Variants in ZNF614 observed in about 807,000 individuals in gnomAD.
ZNF614 encodes the protein zinc finger protein 614.
Under a neutral mutation model 12.8 loss-of-function variants are expected in ZNF614, and 11 were observed. The observed-to-expected ratio is 0.86, with a 90% CI of 0.54 to 1.43. ZNF614 has a LOEUF of 1.43. ZNF614 is among the 40% of genes most tolerant of loss of function. The probability of loss-of-function intolerance (pLI) is 0.00; values close to 1 mark genes in which losing one functional copy is unlikely to be tolerated. For missense variants in ZNF614, 664 were observed against 708.8 expected, an observed-to-expected ratio of 0.94 and a Z score of 0.72; for synonymous variants, 237 against 237.5, an observed-to-expected ratio of 1.00 and a Z score of 0.02.
At chr19:52,022,324 C>T (rs1357800609) in intron 2 of ZNF614, among the ~76,000 whole-genome samples, 3 of 150,874 alleles carry the variant, frequency 2.0e-5, no homozygotes, top group Non-Finnish European at 3.0e-5. Context: ...AAGTGAGAAG[C>T]GCCTCTGCCT....
intron 4 of ZNF614, chr19:52,017,771 G>C (rs924464420): frequency 5.0e-6 from 2 of 403,920 alleles, no homozygotes; most frequent in Non-Finnish European, 8.7e-6. Context: ...TCAACTCTAC[G>C]ATCCCAGTAT....
At chr19:52,026,973 C>T (rs750532671) in intron 1 of ZNF614, among the ~76,000 whole-genome samples, 3 of 152,232 alleles carry the variant, frequency 2.0e-5, no homozygotes, top group Admixed American at 6.5e-5. Context: ...TCCCCCTCTC[C>T]GAGGTGGTAG....
chr19:52,021,366 A>T (rs1300121723), intron 2 of ZNF614, among the ~76,000 whole-genome samples: 2 of 146,950 alleles, frequency 1.4e-5, no homozygotes, highest in African/African-American at 5.2e-5. Flanking sequence ...AAAGTGTGAG[A>T]TTTTTTTTTT....
At chr19:52,023,693 T>C (rs536035509) in intron 2 of ZNF614, among the ~76,000 whole-genome samples, 19 of 152,318 alleles carry the variant, frequency 1.2e-4, no homozygotes, top group Middle Eastern at 3.4e-3. Flanking sequence ...CTGGGAACAA[T>C]GACCAAATAT....
chr19:52,027,045 T>C (rs573191487), intron 1 of ZNF614, among the ~76,000 whole-genome samples: 67 of 152,354 alleles, frequency 4.4e-4, no homozygotes, highest in African/African-American at 1.5e-3. Context: ...GTCCTCCGTA[T>C]GCTGAGTGCT....
Position 52,025,953 on chromosome 19 carries a change from A to G in ZNF614, c.-208T>C. ...AGTTATTTTGCTTCTGGGAGCCAGG[A>G]CCTGAGGACTGATAAACAAAATGGC... On this transcript the variant is annotated 5_prime_UTR_variant, in exon 2 of 5. Transcript: ENST00000270649. 1.8e-6 allele frequency: 1 copy of G among 561,268 alleles called. No homozygotes were observed. The allele number at this position is 561,268 out of a possible 1,614,324, so 34.8% of individuals were successfully genotyped here.
intron 2 of ZNF614, among the ~76,000 whole-genome samples, chr19:52,022,414 T>G (rs1168602824): frequency 6.6e-6 from 1 of 151,820 alleles, no homozygotes; most frequent in Non-Finnish European, 1.5e-5. Context: ...AAGTGAGGAG[T>G]GCCTCTGCCT....
chr19:52,021,365 G>A (rs144824773), intron 2 of ZNF614, among the ~76,000 whole-genome samples: 89 of 134,202 alleles, frequency 6.6e-4, no homozygotes, highest in African/African-American at 2.3e-3. Flanking sequence ...GAAAGTGTGA[G>A]ATTTTTTTTT....
At position 52,019,472 on chromosome 19, in the gene ZNF614, A is replaced by C. The variant is rs76895630; in HGVS notation, c.16-978T>G. Among the ~76,000 whole-genome samples the C allele has an allele frequency of 1.6e-3, 241 of 152,324 alleles. 3 individuals are homozygous for C. Among genetic ancestry groups the C allele is most frequent in the East Asian group, 0.014 (72 of 5,186 alleles). ...CTCAAATCTCAAATTCAGAAATCCC[A>C]ACAAGTTCAGAGCAGGAAGTCACAA... On this transcript the variant is annotated intron_variant, in intron 2 of 4. Transcript: ENST00000270649.
chr19:52,023,376 C>T (rs1201163024), intron 2 of ZNF614, among the ~76,000 whole-genome samples: 1 of 151,960 alleles, frequency 6.6e-6, no homozygotes, highest in Admixed American at 6.6e-5. Flanking sequence ...ACCATGTAGG[C>T]CAGGATGGTC....
chr19:52,016,167 A>G lies in ZNF614; in HGVS notation c.1431T>C (p.His477=), dbSNP rs759212450. 31 of 1,614,168 alleles carry G rather than the reference A, an allele frequency of 1.9e-5. No homozygotes were observed. The highest frequency in any genetic ancestry group is 1.6e-4 in the Middle Eastern group (1 of 6,062). ...TACATACAAAGGGAGTCTTTCCTGT[A>G]TGACATCTCTCATGTTGTATGAGGC... The part of the protein sequence containing the change: ...KICLIQHERC[H]TGKTPFVCTE... The change falls in exon 5 of 5, where the codon CAT becomes CAC. Residue 477 remains histidine, a synonymous_variant. Coordinates refer to ENST00000270649, the MANE Select transcript of ZNF614 (RefSeq NM_025040.4).
At chr19:52,023,154 A>C (rs1002600927) in intron 2 of ZNF614, among the ~76,000 whole-genome samples, 1 of 146,472 alleles carries the variant, frequency 6.8e-6, no homozygotes, top group Non-Finnish European at 1.5e-5. Flanking sequence ...GTCTCAAAAC[A>C]ATAATAATAA....
intron 2 of ZNF614, among the ~76,000 whole-genome samples, chr19:52,021,008 C>T (rs1398170012): frequency 6.6e-6 from 1 of 152,148 alleles, no homozygotes; most frequent in African/African-American, 2.4e-5. Context: ...TGACAAGATG[C>T]CACTTTAAGA....
intron 2 of ZNF614, among the ~76,000 whole-genome samples, chr19:52,023,093 A>AAAAAAAAAAAAAG (rs2086942669): frequency 1.5e-5 from 2 of 137,232 alleles, no homozygotes; most frequent in Non-Finnish European, 3.1e-5. Context: ...AAAAAAAAAG[A>AAAAAAAAAAAAAG]AAAAAAAAAA....
chr19:52,016,763 G>T lies in ZNF614; in HGVS notation c.835C>A (p.Gln279Lys). The T allele has an allele frequency of 6.2e-7, 1 of 1,614,112 alleles. No individual in the cohort carries two copies. Among genetic ancestry groups the T allele is most frequent in the Non-Finnish European group, 8.5e-7 (1 of 1,180,046 alleles). The change falls in exon 5 of 5, where the codon CAA becomes AAA. Residue 279 changes from glutamine to lysine, a missense_variant. Coordinates refer to ENST00000270649, the MANE Select transcript of ZNF614 (RefSeq NM_025040.4). ...TAGGATTTCTCTTCTGTATGGGTTT[G>T]TTGATGTGTAATGAGACTACTCTTC... The part of the protein sequence containing the change: ...TVKSSLITHQ[Q>K]THTEEKSYMC...
At chr19:52,019,353 C>T (rs528649103) in intron 2 of ZNF614, among the ~76,000 whole-genome samples, 2 of 152,154 alleles carry the variant, frequency 1.3e-5, no homozygotes, top group African/African-American at 2.4e-5. Context: ...CTAGTGTATG[C>T]CCACTTATGG....
At position 52,017,249 on chromosome 19, in the gene ZNF614, T is replaced by C. The variant is rs769436417; in HGVS notation, c.349A>G (p.Ser117Gly). The C allele has an allele frequency of 1.9e-6, 3 of 1,614,106 alleles. No homozygotes were observed. The highest frequency in any genetic ancestry group is 1.6e-4 in the Middle Eastern group (1 of 6,062). The part of the protein sequence containing the change: ...QNTLRNIVHL[S>G]KTHFPIVQNH... ...TGCACTATAGGAAAATGTGTCTTGC[T>C]GAGATGTACAATATTTCTAAGTGTA... The change falls in exon 5 of 5, where the codon AGC becomes GGC. Residue 117 changes from serine (S) to glycine (G), a missense_variant. Ser to Gly is a moderately conservative substitution (Grantham distance 56). Transcript: ENST00000270649.
rs113525036 is a variant in ZNF614 at position 52,020,989 on chromosome 19, C to A, written c.16-2495G>T. Among the ~76,000 whole-genome samples, 62 of 152,288 alleles carry A rather than the reference C, an allele frequency of 4.1e-4. 2 individuals carry two copies. The highest frequency in any genetic ancestry group is 1.4e-3 in the African/African-American group (59 of 41,558). On this transcript the variant is annotated intron_variant, in intron 2 of 4. Coordinates refer to ENST00000270649, the MANE Select transcript of ZNF614 (RefSeq NM_025040.4). ...AAGCTTGTTTCTAAAGAAAAGAATA[C>A]AGCAAAAGTGACAAGATGCCACTTT...
At chr19:52,019,514 G>C (rs2123121998) in intron 2 of ZNF614, among the ~76,000 whole-genome samples, 1 of 152,252 alleles carries the variant, frequency 6.6e-6, no homozygotes, top group Admixed American at 6.5e-5. Context: ...TGACACATCA[G>C]ACTGAAACTA....
Sources: gnomAD v4.1 joint callset for allele counts (sites outside exome capture counted in the v4.1 genomes callset) on GRCh38, gnomAD v4.1.1 for gene constraint, MANE v1.5 for transcripts, NCBI Gene and HGNC (gene_info 2026-07-23, HGNC 2026-07-21) for gene names.